The following PARVA variants were observed in gnomAD, a reference collection of about 807,000 sequenced individuals.
PARVA encodes the protein parvin alpha, also known as alpha-parvin.
PARVA carries 25 observed loss-of-function variants against 52.6 expected under a neutral mutation model. The ratio of observed to expected loss-of-function variants is 0.48; its 90% confidence interval spans 0.35 to 0.66. The LOEUF (loss-of-function observed/expected upper bound fraction) is 0.66, where lower values mean the gene tolerates loss of function less well. Ranked by LOEUF, PARVA falls within the 30% of genes least tolerant of loss-of-function variation. PARVA has a pLI of 0.01. For missense variants in PARVA, 373 were observed against 450.9 expected (o/e 0.83, Z 1.56); for synonymous variants, 185 against 179.1 (o/e 1.03, Z -0.26).
chr11:12,466,788 TTGTA>T (rs1940859598), intron 1 of PARVA, among the ~76,000 whole-genome samples: 1 of 152,166 alleles, frequency 6.6e-6, no homozygotes. Flanking sequence ...CAATTGATGA[TTGTA>T]TGTTTTTAGT....
Position 12,531,834 on chromosome 11 carries a change from C to T in PARVA, c.*3909C>T, listed in dbSNP as rs987200726. 2.6e-5 allele frequency among the ~76,000 whole-genome samples: 4 copies of T among 152,120 alleles called. No individual in the cohort carries two copies. The highest frequency in any genetic ancestry group is 1.9e-4 in the East Asian group (1 of 5,180). The stretch of plus-strand genomic sequence containing the variant: ...AGAGAGCTGCATTAAGCTGCAAGGC[C>T]GGGTAGGGTAGGTAGACTGACTCAC... On this transcript the variant is annotated 3_prime_UTR_variant, in exon 13 of 13. Coordinates refer to ENST00000334956, the MANE Select transcript of PARVA (RefSeq NM_018222.5).
Position 12,528,235 on chromosome 11 carries a change from A to G in PARVA, c.*310A>G, listed in dbSNP as rs1941728514. The G allele has an allele frequency of 2.4e-6, 1 of 418,870 alleles. No homozygotes were observed. 25.9% of individuals were successfully genotyped at this position (418,870 alleles called of 1,614,324 possible). ...CCAGCTTAGGCAAAAGAGTCCCCAC[A>G]AGATGAAAATAAAGATCCTAGTTAC... On this transcript the variant is annotated 3_prime_UTR_variant, in exon 13 of 13. Transcript: ENST00000334956.
At chr11:12,523,611 A>G (rs2135089656) in intron 12 of PARVA, among the ~76,000 whole-genome samples, 1 of 152,218 alleles carries the variant, frequency 6.6e-6, no homozygotes, top group African/African-American at 2.4e-5. Context: ...AGAGTCACTA[A>G]TACCTCTGGG....
At chr11:12,496,405 G>A in intron 4 of PARVA, 53 bp from the exon 5 acceptor site, 4 of 1,563,154 alleles carry the variant, frequency 2.6e-6, no homozygotes, top group Non-Finnish European at 2.6e-6. Flanking sequence ...CATGCAGTAG[G>A]GTTGTCTGGG....
rs534850421 is a variant in PARVA at position 12,527,988 on chromosome 11, C to T, written c.*63C>T. Reference sequence around the variant, plus strand: ...GCTGTTGGCGTACTGGACCCTCCTCCGAACTGCCTTACCCTGCTTATTCCT... The same window carrying T: ...GCTGTTGGCGTACTGGACCCTCCTCTGAACTGCCTTACCCTGCTTATTCCT... On this transcript the variant is annotated 3_prime_UTR_variant, in exon 13 of 13. Coordinates refer to ENST00000334956, the MANE Select transcript of PARVA (RefSeq NM_018222.5). 24 of 1,144,316 alleles carry T rather than the reference C, an allele frequency of 2.1e-5. No individual in the cohort carries two copies. Among genetic ancestry groups the T allele is most frequent in the Non-Finnish European group, 2.7e-5 (20 of 752,646 alleles). 70.9% of individuals were successfully genotyped at this position (1,144,316 alleles called of 1,614,324 possible). A position where few individuals can be genotyped will look rare whatever the true frequency, so the allele number is the denominator to read the frequency against.
intron 1 of PARVA, among the ~76,000 whole-genome samples, chr11:12,383,798 G>A (rs1939528807): frequency 1.3e-5 from 2 of 151,820 alleles, no homozygotes; most frequent in Admixed American, 1.3e-4. Context: ...TTTTCAAATT[G>A]TTGCAATTCT....
intron 1 of PARVA, among the ~76,000 whole-genome samples, chr11:12,403,353 C>A (rs1939856080): frequency 6.6e-6 from 1 of 152,198 alleles, no homozygotes; most frequent in African/African-American, 2.4e-5. Flanking sequence ...CCTGATTAGT[C>A]CCCTAGCAGG....
At position 12,411,945 on chromosome 11, in the gene PARVA, C is replaced by T. The variant is rs79020958; in HGVS notation, c.136+34162C>T. The stretch of plus-strand genomic sequence containing the variant: ...CTTCTCAGCATTCCCCTAATAGGTC[C>T]GGGCATTGAGGCATATCGACTCATC... On this transcript the variant is annotated intron_variant, in intron 1 of 12. Transcript: ENST00000334956. Among the ~76,000 whole-genome samples the T allele has an allele frequency of 2.6e-3, 402 of 152,228 alleles. 2 individuals are homozygous for T. The highest frequency in any genetic ancestry group is 9.2e-3 in the African/African-American group (382 of 41,542).
intron 1 of PARVA, among the ~76,000 whole-genome samples, chr11:12,419,580 G>T (rs1030191554): frequency 3.3e-5 from 5 of 152,168 alleles, no homozygotes; most frequent in African/African-American, 1.2e-4. Flanking sequence ...CTCTGGACAT[G>T]GGTGTACAAC....
chr11:12,469,398 G>A (rs866213605), intron 1 of PARVA, among the ~76,000 whole-genome samples: 1 of 152,172 alleles, frequency 6.6e-6, no homozygotes, highest in Non-Finnish European at 1.5e-5. Context: ...ACTTAATGGC[G>A]CTGCGAGACA....
chr11:12,403,856 A>G (rs146930225), intron 1 of PARVA, among the ~76,000 whole-genome samples: 225 of 152,322 alleles, frequency 1.5e-3, no homozygotes, highest in African/African-American at 5.3e-3. Flanking sequence ...CACTTTTGGC[A>G]GTGTAAACAT....
chr11:12,491,008 C>T (rs1301584973), intron 4 of PARVA, among the ~76,000 whole-genome samples: 1 of 148,324 alleles, frequency 6.7e-6, no homozygotes, highest in Non-Finnish European at 1.5e-5. Flanking sequence ...AACATTAATC[C>T]AAAAAAAAAC....
chr11:12,443,115 C>G (rs902982694), intron 1 of PARVA, among the ~76,000 whole-genome samples: 2 of 149,720 alleles, frequency 1.3e-5, no homozygotes, highest in Non-Finnish European at 3.0e-5. Flanking sequence ...CCCGCCTGGG[C>G]CTCCCAAAGT....
At chr11:12,494,145 G>C (rs1056409482) in intron 4 of PARVA, among the ~76,000 whole-genome samples, 7 of 152,226 alleles carry the variant, frequency 4.6e-5, no homozygotes, top group Non-Finnish European at 7.3e-5. Flanking sequence ...TTGTGGGAGA[G>C]GCACAGAGCT....
At chr11:12,416,577 A>G (rs1297859590) in intron 1 of PARVA, among the ~76,000 whole-genome samples, 2 of 152,114 alleles carry the variant, frequency 1.3e-5, no homozygotes, top group Admixed American at 6.5e-5. Context: ...CTCCAGCGCC[A>G]TCTGCCCTGA....
Position 12,527,917 on chromosome 11 carries a change from G to A in PARVA, c.1111G>A (p.Val371Met), listed in dbSNP as rs746803592. 3.4e-5 allele frequency: 55 copies of A among 1,611,500 alleles called. No individual in the cohort carries two copies. Among genetic ancestry groups the A allele is most frequent in the Non-Finnish European group, 4.2e-5 (49 of 1,178,616 alleles). ...CAACCTCTTCACCAAGTACCGTAAC[G>A]TGGAGTGAGGGGCTGCCCTGGGCCC... Reference protein sequence around the residue: ...LYNLFTKYRNVE With the variant: ...LYNLFTKYRNME Residue 371 changes from valine (V) to methionine (M), a missense_variant, in exon 13 of 13, where the codon GTG becomes ATG. Val to Met is a conservative substitution (Grantham distance 21). Coordinates refer to ENST00000334956, the MANE Select transcript of PARVA (RefSeq NM_018222.5).
At chr11:12,499,074 A>G (rs1468263265) in intron 5 of PARVA, among the ~76,000 whole-genome samples, 1 of 152,200 alleles carries the variant, frequency 6.6e-6, no homozygotes, top group Admixed American at 6.5e-5. Context: ...AATATCAGAT[A>G]GCACCAAACT....
In PARVA at chr11:12,532,100, C is replaced by T. The variant is rs1941779012; in HGVS notation, c.*4175C>T. On this transcript the variant is annotated 3_prime_UTR_variant, in exon 13 of 13. Transcript: ENST00000334956. ...TGGTGGTCGCATATGTGAACGTGTG[C>T]ATGCGTGTTCACGTGTTCATGACAA... Among the ~76,000 whole-genome samples, 1 of 152,202 alleles carries T rather than the reference C, an allele frequency of 6.6e-6. No individual in the cohort carries two copies. Among genetic ancestry groups the T allele is most frequent in the Non-Finnish European group, 1.5e-5 (1 of 68,044 alleles).
chr11:12,459,238 C>CAA (rs150935929), intron 1 of PARVA, among the ~76,000 whole-genome samples: 9,053 of 151,422 alleles, frequency 0.06, 927 homozygotes, highest in African/African-American at 0.2. Context: ...CCTGTCTCCA[C>CAA]AACAAAAAAT....
Sources: allele counts gnomAD v4.1 joint callset (sites outside exome capture counted in the v4.1 genomes callset), GRCh38; gene constraint gnomAD v4.1.1; transcripts MANE v1.5; gene names NCBI Gene and HGNC (gene_info 2026-07-23, HGNC 2026-07-21).